Variants in DOCK4 observed in about 807,000 individuals in gnomAD.
DOCK4 encodes the protein dedicator of cytokinesis 4, also known as dedicator of cytokinesis protein 4.
In DOCK4, 97 loss-of-function variants were observed where a neutral mutation model predicts 268.1. That is an observed-to-expected ratio of 0.36 (90% CI 0.31 to 0.43). The LOEUF (loss-of-function observed/expected upper bound fraction) is 0.43, where lower values mean the gene tolerates loss of function less well. Ranked by LOEUF, DOCK4 falls within the 20% of genes least tolerant of loss-of-function variation. DOCK4 has a pLI of 1.00. For synonymous variants in DOCK4, 954 were observed against 887.2 expected, an observed-to-expected ratio of 1.08 and a Z score of -1.34; for missense variants, 2,145 against 2,455.7, an observed-to-expected ratio of 0.87 and a Z score of 2.67.
intron 41 of DOCK4, among the ~76,000 whole-genome samples, chr7:111,757,752 A>T (rs1001717902): frequency 6.6e-6 from 1 of 152,202 alleles, no homozygotes; most frequent in African/African-American, 2.4e-5. Flanking sequence ...TGACCAAGTG[A>T]GTTAACATGA....
chr7:111,880,591 T>C (rs1300644680), intron 16 of DOCK4, among the ~76,000 whole-genome samples: 1 of 152,176 alleles, frequency 6.6e-6, no homozygotes, highest in Non-Finnish European at 1.5e-5. Context: ...TGTAAAATAC[T>C]CTTTACTTAA....
At chr7:111,775,192 G>C (rs1798368025) in intron 36 of DOCK4, among the ~76,000 whole-genome samples, 1 of 152,230 alleles carries the variant, frequency 6.6e-6, no homozygotes, top group South Asian at 2.1e-4. Flanking sequence ...TGAGTAAATA[G>C]TGATGCTACT....
intron 1 of DOCK4, among the ~76,000 whole-genome samples, chr7:112,122,117 ACC>A (rs1342290824): frequency 6.6e-6 from 1 of 152,184 alleles, no homozygotes; most frequent in Non-Finnish European, 1.5e-5. Context: ...AATAGATCTT[ACC>A]CTGTCTTTTT....
At position 111,830,343 on chromosome 7, in the gene DOCK4, G is replaced by A. The variant is rs867150838; in HGVS notation, c.2835+4245C>T. 8.5e-5 allele frequency among the ~76,000 whole-genome samples: 13 copies of A among 152,124 alleles called. No homozygotes were observed. The Middle Eastern group carries it at 0.017, about 199-fold the overall frequency. On this transcript the variant is annotated intron_variant, in intron 26 of 52. Transcript: ENST00000428084. Reference sequence around the variant, plus strand: ...CAAGAAGCTGAGGAAGAGGAATTGCGTCAACCTGGGTGACGGAGGTTGCAG... The same window carrying A: ...CAAGAAGCTGAGGAAGAGGAATTGCATCAACCTGGGTGACGGAGGTTGCAG...
intron 8 of DOCK4, among the ~76,000 whole-genome samples, chr7:111,963,310 T>C (rs568368236): frequency 1.4e-5 from 2 of 143,104 alleles, no homozygotes; most frequent in East Asian, 2.2e-4. Context: ...TTCATCTCAC[T>C]AGGGAGTGCC....
intron 13 of DOCK4, among the ~76,000 whole-genome samples, chr7:111,903,760 G>A (rs182782158): frequency 6.6e-6 from 1 of 152,204 alleles, no homozygotes; most frequent in African/African-American, 2.4e-5. Flanking sequence ...ATGTTTCCAC[G>A]AACAGATGTG....
chr7:112,188,255 A>G (rs1455821895), intron 1 of DOCK4, among the ~76,000 whole-genome samples: 2 of 152,244 alleles, frequency 1.3e-5, no homozygotes, highest in African/African-American at 4.8e-5. Flanking sequence ...AACATTTCAG[A>G]TACAGAATAC....
At chr7:111,968,559 A>G (rs1797426548) in intron 8 of DOCK4, among the ~76,000 whole-genome samples, 1 of 104,062 alleles carries the variant, frequency 9.6e-6, no homozygotes, top group Non-Finnish European at 1.8e-5. Flanking sequence ...GTCAGGAAAC[A>G]ACAGGTGCTG....
At chr7:111,765,085 C>T in intron 39 of DOCK4, 33 bp downstream of exon 39, 1 of 1,075,672 alleles carries the variant, frequency 9.3e-7, no homozygotes, top group Non-Finnish European at 1.3e-6. Context: ...TATATGAGAG[C>T]TGTGAAAGCA....
chr7:112,041,037 G>A (rs1407504821), intron 1 of DOCK4, among the ~76,000 whole-genome samples: 1 of 152,036 alleles, frequency 6.6e-6, no homozygotes, highest in African/African-American at 2.4e-5. Flanking sequence ...GTAAGACAAT[G>A]ATAACATATA....
At chr7:112,102,038 T>C (rs982910493) in intron 1 of DOCK4, among the ~76,000 whole-genome samples, 1 of 152,120 alleles carries the variant, frequency 6.6e-6, no homozygotes, top group African/African-American at 2.4e-5. Context: ...TTCACCATGT[T>C]AGCAAGGATG....
At chr7:111,822,524 A>G in intron 26 of DOCK4, 68 bp from the exon 27 acceptor site, 1 of 1,280,482 alleles carries the variant, frequency 7.8e-7, no homozygotes, top group Non-Finnish European at 1.1e-6. Flanking sequence ...ACGCACATAC[A>G]CAGGCAGTAC....
intron 36 of DOCK4, 27 bp downstream of exon 36, chr7:111,778,249 C>A (rs1418417277): frequency 6.5e-7 from 1 of 1,532,454 alleles, no homozygotes; most frequent in Non-Finnish European, 9.0e-7. Context: ...AGCTCCCTTC[C>A]CAATCTGAGC....
intron 36 of DOCK4, among the ~76,000 whole-genome samples, chr7:111,772,699 G>A (rs1798198121): frequency 6.6e-6 from 1 of 152,150 alleles, no homozygotes; most frequent in African/African-American, 2.4e-5. Context: ...AGGAGGCTGA[G>A]GCAGGTGAAT....
rs746730808 is a variant in DOCK4, at chr7:111,728,381, G to A, written c.5821C>T (p.Pro1941Ser). 4 of 1,543,570 alleles carry A rather than the reference G, an allele frequency of 2.6e-6. No homozygotes were observed. The highest frequency in any genetic ancestry group is 2.3e-5 in the East Asian group (1 of 44,302). ...GATCGCGCTGCCAGAGGCTTGGGGG[G>A]CAGCGCGGGCGGCTCCGACGTGACG... ...IPVTSEPPAL[P>S]PKPLAARSSH... The change falls in exon 53 of 53, where the codon CCC becomes TCC. Residue 1941 changes from proline (P) to serine (S), a missense_variant. Transcript: ENST00000428084.
chr7:111,825,367 A>C (rs1802312934), intron 26 of DOCK4, among the ~76,000 whole-genome samples: 1 of 152,154 alleles, frequency 6.6e-6, no homozygotes, highest in Admixed American at 6.6e-5. Context: ...TCAATGCTAG[A>C]TTCTTTAACA....
intron 30 of DOCK4, among the ~76,000 whole-genome samples, chr7:111,804,882 C>G (rs7789540): frequency 0.99 from 150,877 of 152,330 alleles, 74,717 homozygotes; most frequent in Middle Eastern, 1. Context: ...TTACAGGTGT[C>G]AGCCACTGCA....
intron 1 of DOCK4, among the ~76,000 whole-genome samples, chr7:112,200,556 T>C (rs1015453123): frequency 2.0e-5 from 3 of 152,036 alleles, no homozygotes; most frequent in South Asian, 2.1e-4. Flanking sequence ...CTGATGTATA[T>C]ATTCACAGCA....
intron 30 of DOCK4, among the ~76,000 whole-genome samples, chr7:111,804,779 T>C (rs1800551262): frequency 6.6e-6 from 1 of 151,942 alleles, no homozygotes; most frequent in African/African-American, 2.4e-5. Flanking sequence ...TTTATATTTT[T>C]AGCAGAGACG....
Sources: allele counts gnomAD v4.1 joint callset (sites outside exome capture counted in the v4.1 genomes callset), GRCh38; gene constraint gnomAD v4.1.1; transcripts MANE v1.5; gene names NCBI Gene and HGNC (gene_info 2026-07-23, HGNC 2026-07-21).